The following WIPF3 variants were observed in gnomAD, a reference collection of about 807,000 sequenced individuals.
WIPF3 encodes the protein WAS/WASL-interacting protein family member 3.
A neutral mutation model predicts 38.9 loss-of-function variants in WIPF3; 33 were observed. The ratio of observed to expected loss-of-function variants is 0.85; its 90% confidence interval spans 0.64 to 1.14. The LOEUF (loss-of-function observed/expected upper bound fraction) is 1.14, where lower values mean the gene tolerates loss of function less well. Ranked by LOEUF, WIPF3 falls within the 50% of genes most tolerant of loss-of-function variation. The probability of loss-of-function intolerance (pLI) is 0.00; values close to 1 mark genes in which losing one functional copy is unlikely to be tolerated. For synonymous variants in WIPF3, 324 were observed against 269.3 expected (o/e 1.20, Z -1.99); for missense variants, 711 against 652.5 (o/e 1.09, Z -0.98).
At chr7:29,810,952 G>A (rs1784363502) in intron 1 of WIPF3, among the ~76,000 whole-genome samples, 1 of 152,070 alleles carries the variant, frequency 6.6e-6, no homozygotes, top group Non-Finnish European at 1.5e-5. Context: ...GCAGTGGTTT[G>A]ATCACAGCTC....
intron 1 of WIPF3, among the ~76,000 whole-genome samples, chr7:29,812,455 A>G (rs1244194102): frequency 6.6e-6 from 1 of 152,240 alleles, no homozygotes. Context: ...TGGTTGCCTC[A>G]TGATGACGAT....
intron 1 of WIPF3, among the ~76,000 whole-genome samples, chr7:29,810,365 C>G: frequency 6.6e-6 from 1 of 152,202 alleles, no homozygotes; most frequent in East Asian, 1.9e-4. Flanking sequence ...GTGTTCATCT[C>G]CATTCCCAGC....
intron 3 of WIPF3, among the ~76,000 whole-genome samples, chr7:29,877,572 G>A (rs1785629020): frequency 6.6e-6 from 1 of 152,182 alleles, no homozygotes; most frequent in Non-Finnish European, 1.5e-5. Flanking sequence ...AAGAAGTGTA[G>A]GAAAATGATT....
rs1387301010 is a variant in WIPF3, at chr7:29,889,390, C to G, written c.1334C>G (p.Pro445Arg). 5.0e-6 allele frequency: 8 copies of G among 1,613,722 alleles called. No homozygotes were observed. Among genetic ancestry groups the G allele is most frequent in the Non-Finnish European group, 5.9e-6 (7 of 1,179,800 alleles). ...TATAAACCATGCCAGAAGATTTACC[C>G]CAGCAAGATCCCCAGAAGTAAGTAC... ...DEYKPCQKIY[P>R]SKIPRSRTPG... is the part of the protein sequence containing the mutation. Residue 445 changes from proline (P) to arginine (R), a missense_variant, in exon 7 of 9, where the codon CCC becomes CGC. By Grantham distance (103) the Pro-to-Arg change is moderately radical (BLOSUM62 -2). Transcript: ENST00000242140.
At position 29,878,140 on chromosome 7, in the gene WIPF3, C is replaced by T. The variant is rs937027227; in HGVS notation, c.224-869C>T. 7.9e-5 allele frequency among the ~76,000 whole-genome samples: 12 copies of T among 152,160 alleles called. No homozygotes were observed. Among genetic ancestry groups the T allele is most frequent in the African/African-American group, 2.4e-4 (10 of 41,426 alleles). On this transcript the variant is annotated intron_variant, in intron 3 of 8. Coordinates refer to ENST00000242140, the MANE Select transcript of WIPF3 (RefSeq NM_001080529.3). The surrounding 1 kb of genome is among the most constrained non-coding windows in gnomAD (Gnocchi z 4.0). Reference sequence around the variant, plus strand: ...ATTAGTTTCTGGTTAAACCCATGATCGAATTGGTTAAGCCTAATTAACAGG... The same window carrying T: ...ATTAGTTTCTGGTTAAACCCATGATTGAATTGGTTAAGCCTAATTAACAGG...
chr7:29,832,107 T>C (rs1196254993), intron 1 of WIPF3, among the ~76,000 whole-genome samples: 3 of 152,236 alleles, frequency 2.0e-5, no homozygotes, highest in African/African-American at 7.2e-5. Flanking sequence ...CTGTCATGTG[T>C]CTTAGTTAAA....
intron 5 of WIPF3, 130 bp downstream of exon 5, chr7:29,884,723 C>T (rs1329984279): frequency 1.5e-6 from 2 of 1,347,158 alleles, no homozygotes; most frequent in South Asian, 1.5e-5. Context: ...GAGAGACTTG[C>T]CCAAAATCAT....
At chr7:29,880,671 A>C (rs1272932654) in intron 4 of WIPF3, among the ~76,000 whole-genome samples, 2 of 152,206 alleles carry the variant, frequency 1.3e-5, no homozygotes, top group East Asian at 3.9e-4. Flanking sequence ...GCTTGTCACC[A>C]GTGGGACATA....
At chr7:29,905,069 T>A (rs1334161516) in intron 8 of WIPF3, 1 of 152,210 alleles carries the variant, frequency 6.6e-6, no homozygotes, top group Non-Finnish European at 1.5e-5. Context: ...ACAGAGTCAC[T>A]TGCAGTTAAA....
chr7:29,908,034 A>G (rs1313608789), intron 8 of WIPF3, among the ~76,000 whole-genome samples: 2 of 152,196 alleles, frequency 1.3e-5, no homozygotes, highest in East Asian at 3.9e-4. Flanking sequence ...ATGCAAACGG[A>G]TTAAACTTTC....
At chr7:29,855,346 A>G (rs1320077307) in intron 2 of WIPF3, among the ~76,000 whole-genome samples, 1 of 152,206 alleles carries the variant, frequency 6.6e-6, no homozygotes, top group Non-Finnish European at 1.5e-5. Context: ...AGAATCTCTG[A>G]TTAGAAGGAG....
At position 29,884,093 on chromosome 7, in the gene WIPF3, T is replaced by A; in HGVS notation, c.599T>A (p.Leu200His). ...LPSSSPIKTPLVSPPGPLTKG... is the reference protein window; with the variant it reads ...LPSSSPIKTPHVSPPGPLTKG... ...TCTTCCTCCCCCATCAAAACTCCGC[T>A]TGTGTCCCCACCCGGCCCACTGACC... Residue 200 changes from leucine (L) to histidine (H), a missense_variant, in exon 5 of 9, where the codon CTT (leucine) becomes CAT (histidine). Physicochemically the swap from Leu to His is moderately conservative, Grantham distance 99 (BLOSUM62 -3). Coordinates refer to ENST00000242140, the MANE Select transcript of WIPF3 (RefSeq NM_001080529.3). 1 of 1,294,178 alleles carries A rather than the reference T, an allele frequency of 7.7e-7. No individual in the cohort carries two copies. The allele number at this position is 1,294,178 out of a possible 1,614,324, so 80.2% of individuals were successfully genotyped here.
At chr7:29,848,623 G>C (rs144047426) in intron 2 of WIPF3, among the ~76,000 whole-genome samples, 128 of 152,134 alleles carry the variant, frequency 8.4e-4, no homozygotes, top group African/African-American at 3.0e-3. Flanking sequence ...ATGGGATATT[G>C]GTTTATATAA....
chr7:29,833,600 A>G (rs1308016103), intron 1 of WIPF3, among the ~76,000 whole-genome samples: 1 of 152,244 alleles, frequency 6.6e-6, no homozygotes, highest in Admixed American at 6.5e-5. Flanking sequence ...AGAAAGCATC[A>G]CATTGCATAA....
At chr7:29,826,474 G>GT (rs2128063854) in intron 1 of WIPF3, among the ~76,000 whole-genome samples, 1 of 152,224 alleles carries the variant, frequency 6.6e-6, no homozygotes, top group East Asian at 1.9e-4. Context: ...CCAAAGCCTG[G>GT]TTTAGGTATT....
chr7:29,914,359 T>A, intron 8 of WIPF3, 134 bp from the exon 9 acceptor site: 1 of 614,788 alleles, frequency 1.6e-6, no homozygotes, highest in Non-Finnish European at 2.6e-6. Context: ...TGCATAGGCA[T>A]CTCCCCAAAC....
chr7:29,849,137 A>G (rs923976183), intron 2 of WIPF3, among the ~76,000 whole-genome samples: 4 of 152,068 alleles, frequency 2.6e-5, no homozygotes, highest in East Asian at 1.9e-4. Context: ...GCCTAGCCCA[A>G]TCTGGCTCCT....
intron 1 of WIPF3, among the ~76,000 whole-genome samples, chr7:29,808,996 G>C (rs1411799622): frequency 6.6e-6 from 1 of 152,108 alleles, no homozygotes; most frequent in African/African-American, 2.4e-5. Flanking sequence ...TAATGTTGAA[G>C]TTTTTAAAAA....
At chr7:29,912,785 T>C (rs1157608817) in intron 8 of WIPF3, among the ~76,000 whole-genome samples, 1 of 152,230 alleles carries the variant, frequency 6.6e-6, no homozygotes, top group African/African-American at 2.4e-5. Flanking sequence ...TGGATGAACT[T>C]TGAGAACATT....
Sources: allele counts gnomAD v4.1 joint callset (sites outside exome capture counted in the v4.1 genomes callset), GRCh38; gene constraint gnomAD v4.1.1; non-coding constraint Gnocchi (gnomAD v3.1); transcripts MANE v1.5; gene names NCBI Gene and HGNC (gene_info 2026-07-23, HGNC 2026-07-21).